The following FAM78B variants were observed in gnomAD, a reference collection of about 807,000 sequenced individuals.
The protein encoded by FAM78B is family with sequence similarity 78 member B, also known as protein FAM78B.
A neutral mutation model predicts 20.0 loss-of-function variants in FAM78B; 10 were observed. The ratio of observed to expected loss-of-function variants is 0.50; its 90% CI spans 0.31 to 0.85. The LOEUF is 0.85. FAM78B is among the 40% of genes least tolerant of loss of function. FAM78B has a pLI of 0.05. For missense variants in FAM78B, 283 were observed against 345.0 expected, an observed-to-expected ratio of 0.82 and a Z score of 1.42; for synonymous variants, 135 against 132.8, an observed-to-expected ratio of 1.02 and a Z score of -0.12.
chr1:166,074,440 C>T (rs919025957), intron 1 of FAM78B, among the ~76,000 whole-genome samples: 8 of 152,194 alleles, frequency 5.3e-5, no homozygotes, highest in Admixed American at 4.6e-4. Flanking sequence ...ATCTGTATGT[C>T]TTTCTCATTA....
chr1:166,060,358 C>T, exon 3 of FAM78B: 1 of 348,514 alleles, frequency 2.9e-6, no homozygotes, highest in South Asian at 2.1e-5. Flanking sequence ...CTGAATGAAC[C>T]CCATCTTTCT....
chr1:166,078,042 T>C (rs996457589), intron 1 of FAM78B, among the ~76,000 whole-genome samples: 14 of 142,828 alleles, frequency 9.8e-5, no homozygotes, highest in Admixed American at 1.5e-4. Context: ...TATATCTATA[T>C]ATATTTTTGA....
chr1:166,137,151 G>GA (rs1258860018), intron 1 of FAM78B, among the ~76,000 whole-genome samples: 3 of 152,162 alleles, frequency 2.0e-5, no homozygotes, highest in Non-Finnish European at 4.4e-5. Context: ...TGCTAGACTG[G>GA]AAAAAAACTT....
chr1:166,112,000 A>G (rs776295348), intron 1 of FAM78B, among the ~76,000 whole-genome samples: 1 of 152,210 alleles, frequency 6.6e-6, no homozygotes, highest in Non-Finnish European at 1.5e-5. Context: ...TCTTTATTTT[A>G]ACATCAGAAG....
chr1:166,093,795 T>C (rs1283610341), intron 1 of FAM78B, among the ~76,000 whole-genome samples: 3 of 151,916 alleles, frequency 2.0e-5, no homozygotes, highest in Non-Finnish European at 2.9e-5. Context: ...CAGTTGTAGA[T>C]TGGGCTCTGG....
At chr1:166,158,690 C>G (rs1454507193) in intron 1 of FAM78B, among the ~76,000 whole-genome samples, 1 of 152,230 alleles carries the variant, frequency 6.6e-6, no homozygotes, top group East Asian at 1.9e-4. Context: ...CTAGAACCAT[C>G]CTTAAATACC....
chr1:166,166,305 C>G lies in FAM78B; in HGVS notation c.-57G>C. 7 of 1,157,980 alleles carry G rather than the reference C, an allele frequency of 6.0e-6. No individual in the cohort carries two copies. Among genetic ancestry groups the G allele is most frequent in the Non-Finnish European group, 7.4e-6 (7 of 940,582 alleles). 71.7% of individuals were successfully genotyped at this position (1,157,980 alleles called of 1,614,324 possible). ...GGGGCAGCGCGGGGGCCCGCGCGGGCAGCCGGGGGCGCCCGTCACGCCGGC... is the reference window on the plus strand; with the variant it reads ...GGGGCAGCGCGGGGGCCCGCGCGGGGAGCCGGGGGCGCCCGTCACGCCGGC... On this transcript the variant is annotated 5_prime_UTR_variant, in exon 1 of 2. Coordinates refer to ENST00000354422, the MANE Select transcript of FAM78B (RefSeq NM_001017961.5).
At chr1:166,165,852 G>T in intron 1 of FAM78B, 134 bp downstream of exon 1, 1 of 997,832 alleles carries the variant, frequency 1.0e-6, no homozygotes, top group South Asian at 1.6e-5. Flanking sequence ...GGAGGGAGGT[G>T]GGAGAGGAGG....
downstream of FAM78B, among the ~76,000 whole-genome samples, chr1:166,066,400 C>T (rs1222658476): frequency 6.6e-6 from 1 of 152,184 alleles, no homozygotes; most frequent in African/African-American, 2.4e-5. Context: ...GACTACATGA[C>T]AGTGTAGATG....
intron 1 of FAM78B, among the ~76,000 whole-genome samples, chr1:166,103,728 A>G (rs1653641467): frequency 6.6e-6 from 1 of 152,216 alleles, no homozygotes; most frequent in African/African-American, 2.4e-5. Context: ...ACAAACCAAA[A>G]AAAGTCCAGG....
chr1:166,076,319 C>G (rs1232237257), intron 1 of FAM78B, among the ~76,000 whole-genome samples: 1 of 152,164 alleles, frequency 6.6e-6, no homozygotes, highest in Non-Finnish European at 1.5e-5. Context: ...CCATTCTGGC[C>G]TCTGTGCTGT....
chr1:166,157,049 G>C (rs1262375399), intron 1 of FAM78B, among the ~76,000 whole-genome samples: 17 of 88,580 alleles, frequency 1.9e-4, no homozygotes, highest in African/African-American at 2.2e-4. Flanking sequence ...GGGGGGGGGG[G>C]CTCCAATGCC....
chr1:166,140,233 C>T (rs1571198496), intron 1 of FAM78B, among the ~76,000 whole-genome samples: 1 of 152,238 alleles, frequency 6.6e-6, no homozygotes, highest in Non-Finnish European at 1.5e-5. Context: ...TAGCACAATC[C>T]ACCGCCAACA....
intron 1 of FAM78B, among the ~76,000 whole-genome samples, chr1:166,104,165 A>G (rs1653665675): frequency 6.6e-6 from 1 of 152,230 alleles, no homozygotes; most frequent in Admixed American, 6.5e-5. Context: ...CCTTCATGCT[A>G]AAAACTCTCA....
At chr1:166,087,072 T>C (rs1282974720) in intron 1 of FAM78B, 1 of 134,810 alleles carries the variant, frequency 7.4e-6, no homozygotes, top group Admixed American at 9.5e-5. Context: ...ACCATCTCCA[T>C]TTTTTTTTTT....
At chr1:166,129,104 T>C (rs892236357) in intron 1 of FAM78B, among the ~76,000 whole-genome samples, 2 of 152,184 alleles carry the variant, frequency 1.3e-5, no homozygotes, top group African/African-American at 2.4e-5. Flanking sequence ...CAGGCTATGC[T>C]TCTCTGTCTG....
chr1:166,066,696 T>C (rs1211464128), downstream of FAM78B, among the ~76,000 whole-genome samples: 1 of 152,238 alleles, frequency 6.6e-6, no homozygotes, highest in Non-Finnish European at 1.5e-5. Context: ...AAATACTCTA[T>C]AAATCATAGT....
At chr1:166,064,507 C>T (rs1184552771), downstream of FAM78B, among the ~76,000 whole-genome samples, 1 of 152,120 alleles carries the variant, frequency 6.6e-6, no homozygotes. Flanking sequence ...GCTTGGAGTT[C>T]CAGCTACACA....
At chr1:166,131,699 G>T (rs1259430066) in intron 1 of FAM78B, among the ~76,000 whole-genome samples, 1 of 152,158 alleles carries the variant, frequency 6.6e-6, no homozygotes, top group Non-Finnish European at 1.5e-5. Flanking sequence ...CCATGTCATT[G>T]GGGTTCAGGA....
Sources: allele counts gnomAD v4.1 joint callset (sites outside exome capture counted in the v4.1 genomes callset), GRCh38; gene constraint gnomAD v4.1.1; transcripts MANE v1.5; gene names NCBI Gene and HGNC (gene_info 2026-07-23, HGNC 2026-07-21).